The following NTRK2 variants were observed in gnomAD, a reference collection of about 807,000 sequenced individuals.
NTRK2 encodes neurotrophic receptor tyrosine kinase 2.
Under a neutral mutation model 94.5 loss-of-function variants are expected in NTRK2, and 13 were observed. The observed-to-expected ratio is 0.14, with a 90% CI of 0.09 to 0.22. NTRK2 has a LOEUF of 0.22. NTRK2 is among the 10% of genes least tolerant of loss of function. The pLI, the probability that NTRK2 is intolerant of heterozygous loss-of-function variation, is 1.00. For synonymous variants in NTRK2, 372 were observed against 407.4 expected (o/e 0.91, Z 1.05); for missense variants, 639 against 1,071.2 (o/e 0.60, Z 5.63).
chr9:84,845,789 G>A (rs1371710573), intron 12 of NTRK2, among the ~76,000 whole-genome samples: 1 of 152,118 alleles, frequency 6.6e-6, no homozygotes, highest in Non-Finnish European at 1.5e-5. Context: ...TGAGAAGTGG[G>A]TGAGGGATAA....
At chr9:84,719,795 G>A (rs1163954404) in intron 6 of NTRK2, among the ~76,000 whole-genome samples, 2 of 151,942 alleles carry the variant, frequency 1.3e-5, no homozygotes, top group African/African-American at 4.8e-5. Context: ...GAGGCGGGTC[G>A]AGTGCCTGAG....
At chr9:84,798,082 A>T (rs1029360066) in intron 12 of NTRK2, among the ~76,000 whole-genome samples, 9 of 151,204 alleles carry the variant, frequency 6.0e-5, no homozygotes, top group African/African-American at 2.2e-4. Context: ...ACAGTCCTGG[A>T]GGCTGGGAAG....
intron 14 of NTRK2, among the ~76,000 whole-genome samples, chr9:84,870,235 TATATAAGTATATGTACAC>T (rs2075790739): frequency 7.1e-6 from 1 of 141,168 alleles, no homozygotes; most frequent in African/African-American, 2.6e-5. Context: ...TATGTGTACA[TATATAAGTATATGTACAC>T]ATACCTATAT....
intron 14 of NTRK2, chr9:84,874,849 A>G (rs1382899699): frequency 9.5e-7 from 1 of 1,057,790 alleles, no homozygotes; most frequent in African/African-American, 1.6e-5. Context: ...TTTTAAAACC[A>G]GGACAGTCCT....
At chr9:85,004,947 AG>A (rs1048057631) in intron 17 of NTRK2, among the ~76,000 whole-genome samples, 5 of 152,188 alleles carry the variant, frequency 3.3e-5, no homozygotes, top group South Asian at 2.1e-4. Flanking sequence ...TGAAGTCCCA[AG>A]GGGGCTATGA....
At chr9:84,713,081 A>G (rs928071400) in intron 6 of NTRK2, among the ~76,000 whole-genome samples, 5 of 152,220 alleles carry the variant, frequency 3.3e-5, no homozygotes, top group Admixed American at 6.5e-5. Context: ...ATACCTTGAT[A>G]TTAGCAAACT....
At chr9:84,762,829 C>G (rs538163865) in intron 12 of NTRK2, among the ~76,000 whole-genome samples, 1 of 152,168 alleles carries the variant, frequency 6.6e-6, no homozygotes, top group African/African-American at 2.4e-5. Context: ...CACTTCAGGT[C>G]TCTCACTTTC....
intron 12 of NTRK2, among the ~76,000 whole-genome samples, chr9:84,773,045 TTA>T (rs1245301038): frequency 1.3e-5 from 2 of 152,242 alleles, no homozygotes; most frequent in Non-Finnish European, 2.9e-5. Context: ...GTGATCATGT[TTA>T]TATAGATTTC....
At position 84,670,521 on chromosome 9, in the gene NTRK2, C is replaced by A. The variant is rs201813509; in HGVS notation, c.-228C>A. ...GAGCTCCGAGCAGCGGTAGCGCCCC[C>A]CTGTAAAGCGGTTCGCTATGCCGGG... On this transcript the variant is annotated 5_prime_UTR_variant, in exon 2 of 19. Transcript: ENST00000277120. 8.7e-6 allele frequency: 5 copies of A among 577,560 alleles called. No individual in the cohort carries two copies. The Admixed American group carries it at 9.0e-5, about 10-fold the overall frequency. 35.8% of individuals were successfully genotyped at this position (577,560 alleles called of 1,614,324 possible).
intron 14 of NTRK2, among the ~76,000 whole-genome samples, chr9:84,879,386 A>C (rs956554716): frequency 1.2e-4 from 19 of 152,204 alleles, no homozygotes; most frequent in Non-Finnish European, 4.4e-5. Flanking sequence ...GCTAAGCTGA[A>C]GATACAGTAT....
Position 84,670,698 on chromosome 9 carries a change from C to G in NTRK2, c.-51C>G. On this transcript the variant is annotated 5_prime_UTR_variant, in exon 2 of 19. Coordinates refer to ENST00000277120, the MANE Select transcript of NTRK2 (RefSeq NM_006180.6). Reference sequence around the variant, plus strand: ...GCCTCCCCGCACGGGTGGGGGAAAGCGGCCGGTGCAGCGCGGGGACAGGCA... The same window carrying G: ...GCCTCCCCGCACGGGTGGGGGAAAGGGGCCGGTGCAGCGCGGGGACAGGCA... The G allele has an allele frequency of 1.9e-6, 3 of 1,583,008 alleles. No homozygotes were observed. Among genetic ancestry groups the G allele is most frequent in the Non-Finnish European group, 2.6e-6 (3 of 1,158,736 alleles).
chr9:84,709,199 T>C (rs925970435), intron 5 of NTRK2, among the ~76,000 whole-genome samples: 58 of 152,236 alleles, frequency 3.8e-4, no homozygotes, highest in African/African-American at 1.3e-3. Context: ...TGTAATGTGC[T>C]GTCATAATCA....
chr9:84,755,349 C>T (rs2132547263), intron 12 of NTRK2, among the ~76,000 whole-genome samples: 1 of 152,186 alleles, frequency 6.6e-6, no homozygotes, highest in East Asian at 1.9e-4. Context: ...GTGCCTAGCC[C>T]AGAGTTGGCG....
intron 17 of NTRK2, among the ~76,000 whole-genome samples, chr9:85,003,866 T>G (rs1360061191): frequency 6.6e-6 from 1 of 150,504 alleles, no homozygotes; most frequent in Non-Finnish European, 1.5e-5. Flanking sequence ...TGAAAGAACC[T>G]GATGGTGGCT....
chr9:84,827,776 G>A (rs756291582), intron 12 of NTRK2, among the ~76,000 whole-genome samples: 6 of 152,138 alleles, frequency 3.9e-5, no homozygotes, highest in Non-Finnish European at 7.3e-5. Context: ...TGGATTTAAC[G>A]ATTCCTAGGT....
At chr9:84,900,513 A>T (rs1277966816) in intron 14 of NTRK2, among the ~76,000 whole-genome samples, 1 of 152,218 alleles carries the variant, frequency 6.6e-6, no homozygotes, top group East Asian at 1.9e-4. Flanking sequence ...CTGTGGGCAC[A>T]CTGAAGGGCT....
At chr9:85,003,660 T>G (rs1338936556) in intron 17 of NTRK2, among the ~76,000 whole-genome samples, 1 of 151,982 alleles carries the variant, frequency 6.6e-6, no homozygotes, top group African/African-American at 2.4e-5. Context: ...AGTGATGAGA[T>G]CCAATTTACA....
intron 17 of NTRK2, among the ~76,000 whole-genome samples, chr9:84,962,134 A>G (rs756805236): frequency 7.2e-5 from 11 of 152,182 alleles, no homozygotes; most frequent in African/African-American, 1.4e-4. Context: ...GGAAAATGAC[A>G]TATTAGATTG....
chr9:84,744,206 A>C (rs2063870269), intron 10 of NTRK2, among the ~76,000 whole-genome samples: 1 of 152,232 alleles, frequency 6.6e-6, no homozygotes, highest in Non-Finnish European at 1.5e-5. Context: ...AAAAAAAATC[A>C]GTCATTATTT....
Sources: gnomAD v4.1 joint callset for allele counts (sites outside exome capture counted in the v4.1 genomes callset) on GRCh38, gnomAD v4.1.1 for gene constraint, MANE v1.5 for transcripts, NCBI Gene and HGNC (gene_info 2026-07-23, HGNC 2026-07-21) for gene names.